Variants in TTC27 observed in about 807,000 individuals in gnomAD.
TTC27 encodes tetratricopeptide repeat protein 27.
A neutral mutation model predicts 115.9 loss-of-function variants in TTC27; 79 were observed. That is an observed-to-expected ratio of 0.68 (90% CI 0.57 to 0.82). TTC27 has a LOEUF of 0.82. TTC27 is among the 40% of genes least tolerant of loss of function. The pLI, the probability that TTC27 is intolerant of heterozygous loss-of-function variation, is 0.00. For synonymous variants in TTC27, 401 were observed against 356.0 expected (o/e 1.13, Z -1.42); for missense variants, 1,054 against 993.1 (o/e 1.06, Z -0.82).
chr2:32,714,558 A>G lies in TTC27; in HGVS notation c.1233+11638A>G, dbSNP rs2151907124. On this transcript the variant is annotated intron_variant, in intron 10 of 19. Transcript: ENST00000317907. ...ATAGTGCTGTAATGAACATACACAC[A>G]CATGTGTCTTTATGGTAGACTGATT... 3.9e-5 allele frequency among the ~76,000 whole-genome samples: 6 copies of G among 152,326 alleles called. 1 individual carries two copies. The highest frequency in any genetic ancestry group is 3.9e-4 in the Admixed American group (6 of 15,290).
intron 9 of TTC27, among the ~76,000 whole-genome samples, chr2:32,684,978 C>G (rs1666579002): frequency 6.7e-6 from 1 of 148,246 alleles, no homozygotes; most frequent in Non-Finnish European, 1.5e-5. Flanking sequence ...ATACCTTCAC[C>G]TTCTCGTTGA....
At chr2:32,758,616 G>A (rs558120004) in intron 13 of TTC27, 97 bp downstream of exon 13, 24 of 1,167,328 alleles carry the variant, frequency 2.1e-5, no homozygotes, top group Non-Finnish European at 2.8e-5. Context: ...CCTGATAACT[G>A]GTGAGTTTGT....
chr2:32,681,511 T>A (rs1559203441), intron 9 of TTC27, among the ~76,000 whole-genome samples: 1 of 152,134 alleles, frequency 6.6e-6, no homozygotes, highest in Non-Finnish European at 1.5e-5. Flanking sequence ...GCCCCCAACT[T>A]ATGAAAGTTT....
At chr2:32,666,471 AT>A (rs1212950261) in intron 6 of TTC27, among the ~76,000 whole-genome samples, 163 bp from the exon 7 acceptor site, 1 of 151,786 alleles carries the variant, frequency 6.6e-6, no homozygotes, top group East Asian at 1.9e-4. Context: ...TGGCTTTCTA[AT>A]TTTATAAGTC....
At chr2:32,756,226 A>T (rs1451871093) in intron 12 of TTC27, among the ~76,000 whole-genome samples, 1 of 152,244 alleles carries the variant, frequency 6.6e-6, no homozygotes, top group Non-Finnish European at 1.5e-5. Flanking sequence ...TTCTGGGGTG[A>T]CGTGGGTACC....
At chr2:32,767,996 T>TA (rs1414835912) in intron 13 of TTC27, among the ~76,000 whole-genome samples, 2 of 151,838 alleles carry the variant, frequency 1.3e-5, no homozygotes, top group East Asian at 1.9e-4. Context: ...TAGGAAAAAA[T>TA]AAAAAATACT....
At chr2:32,667,995 C>G (rs1337464589) in intron 7 of TTC27, among the ~76,000 whole-genome samples, 1 of 151,196 alleles carries the variant, frequency 6.6e-6, no homozygotes, top group African/African-American at 2.4e-5. Context: ...ACCATCCTGG[C>G]TAACATGGTG....
chr2:32,697,201 AAAC>A lies in TTC27; in HGVS notation c.1120-5603_1120-5601del, dbSNP rs1667018041. ...AGTGAGACCCTGTCTCAAAAAAAAA[AAAC>A]AAACAAAAAGAAATAGTGGGTAGCT... On this transcript the variant is annotated intron_variant, in intron 9 of 19. Transcript: ENST00000317907. Among the ~76,000 whole-genome samples the A allele has an allele frequency of 2.0e-5, 3 of 151,886 alleles. No homozygotes were observed. The East Asian group carries it at 5.8e-4, about 29-fold the overall frequency.
At chr2:32,672,478 T>C (rs775189767) in intron 8 of TTC27, 94 bp downstream of exon 8, 6 of 933,156 alleles carry the variant, frequency 6.4e-6, no homozygotes, top group Non-Finnish European at 1.0e-5. Flanking sequence ...CCAAGAGTTC[T>C]GGATGAATAG....
In TTC27 at chr2:32,678,937, T is replaced by G; in HGVS notation, c.1119+15T>G. On this transcript the variant is annotated intron_variant, in intron 9 of 19. Transcript: ENST00000317907. The stretch of plus-strand genomic sequence containing the variant: ...CATTTACATCAGTGAGTAATGTCTT[T>G]TTCTCTTCCATTTCATTTTTTTCCT... 6.2e-7 allele frequency: 1 copy of G among 1,608,972 alleles called. No individual in the cohort carries two copies.
At chr2:32,647,157 G>C (rs1241909831) in intron 4 of TTC27, among the ~76,000 whole-genome samples, 1 of 151,938 alleles carries the variant, frequency 6.6e-6, no homozygotes, top group African/African-American at 2.4e-5. Context: ...GTGTTGCCCA[G>C]GCTGGTCTTG....
At chr2:32,767,382 A>T (rs1306027712) in intron 13 of TTC27, among the ~76,000 whole-genome samples, 1 of 151,860 alleles carries the variant, frequency 6.6e-6, no homozygotes, top group Admixed American at 6.6e-5. Flanking sequence ...CTTGTTAAAA[A>T]TATTTGTTGA....
intron 7 of TTC27, among the ~76,000 whole-genome samples, chr2:32,668,566 CT>C (rs1350578160): frequency 4.4e-4 from 51 of 117,234 alleles, no homozygotes; most frequent in African/African-American, 1.5e-3. Context: ...CCCTCCCTTC[CT>C]TCCTTCCTTC....
chr2:32,722,494 A>T (rs886609695), intron 10 of TTC27, among the ~76,000 whole-genome samples: 10 of 152,168 alleles, frequency 6.6e-5, no homozygotes, highest in African/African-American at 2.4e-4. Flanking sequence ...AGGAGTCATT[A>T]TGTACATTTT....
At chr2:32,686,071 T>C (rs1666618542) in intron 9 of TTC27, among the ~76,000 whole-genome samples, 1 of 152,210 alleles carries the variant, frequency 6.6e-6, no homozygotes, top group South Asian at 2.1e-4. Flanking sequence ...AAAAGAATTT[T>C]AAAATCATTT....
intron 8 of TTC27, among the ~76,000 whole-genome samples, chr2:32,673,587 C>T (rs1034723982): frequency 3.3e-5 from 5 of 152,154 alleles, no homozygotes; most frequent in African/African-American, 1.2e-4. Flanking sequence ...TCATTGCATC[C>T]TAGCAGGTAG....
At chr2:32,785,937 A>T (rs1057445460) in intron 15 of TTC27, among the ~76,000 whole-genome samples, 29 of 151,632 alleles carry the variant, frequency 1.9e-4, no homozygotes, top group Non-Finnish European at 3.5e-4. Flanking sequence ...ATTTCCAGTT[A>T]TTTTATTCAC....
chr2:32,650,339 G>A, intron 5 of TTC27, 106 bp downstream of exon 5: 7 of 416,202 alleles, frequency 1.7e-5, no homozygotes, highest in South Asian at 6.7e-5. Flanking sequence ...GTGCCTTTTC[G>A]TTTTGAGTTG....
chr2:32,706,041 T>C (rs1271308492), intron 10 of TTC27, among the ~76,000 whole-genome samples: 2 of 151,004 alleles, frequency 1.3e-5, no homozygotes, highest in East Asian at 3.9e-4. Flanking sequence ...TTTTATGGGG[T>C]GTAATCTTAC....
Sources: gnomAD v4.1 joint callset for allele counts (sites outside exome capture counted in the v4.1 genomes callset) on GRCh38, gnomAD v4.1.1 for gene constraint, MANE v1.5 for transcripts, NCBI Gene and HGNC (gene_info 2026-07-23, HGNC 2026-07-21) for gene names.